Variants in TRPC6 observed in about 807,000 individuals in gnomAD.
TRPC6 encodes the protein short transient receptor potential channel 6.
Under a neutral mutation model 90.7 loss-of-function variants are expected in TRPC6, and 55 were observed. The observed-to-expected ratio is 0.61, with a 90% CI of 0.49 to 0.76. TRPC6 has a LOEUF of 0.76. Ranked by LOEUF, TRPC6 falls within the 30% of genes least tolerant of loss-of-function variation. The pLI is 0.00. For missense variants in TRPC6, 989 were observed against 1,122.7 expected, an observed-to-expected ratio of 0.88 and a Z score of 1.70; for synonymous variants, 393 against 393.0, an observed-to-expected ratio of 1.00 and a Z score of 0.00.
At chr11:101,519,611 A>C (rs898053134) in intron 1 of TRPC6, among the ~76,000 whole-genome samples, 13 of 152,028 alleles carry the variant, frequency 8.6e-5, no homozygotes, top group African/African-American at 2.4e-5. Context: ...CTAGTTACTC[A>C]GAAAAAAAAA....
chr11:101,578,234 C>G (rs182816716), intron 1 of TRPC6, among the ~76,000 whole-genome samples: 4 of 152,042 alleles, frequency 2.6e-5, no homozygotes, highest in African/African-American at 7.2e-5. Flanking sequence ...ACATAGTTGC[C>G]AAAAACAAGG....
rs188576496 is a variant in TRPC6 at position 101,546,135 on chromosome 11, A to T, written c.170+37199T>A. On this transcript the variant is annotated intron_variant, in intron 1 of 12. Transcript: ENST00000344327. ...GCCGGACTGCGGACTGCAGTGGCGC[A>T]ATCTCGGCTCACTGCAAGCTCCGCT... is the stretch of plus-strand genomic sequence containing the variant. Among the ~76,000 whole-genome samples the T allele has an allele frequency of 4.7e-4, 26 of 55,282 alleles. 1 individual carries two copies. In the East Asian group the frequency reaches 0.017, roughly 37 times the overall value. 36.3% of individuals were successfully genotyped at this position (55,282 alleles called of 152,430 possible).
chr11:101,476,419 A>C lies in TRPC6; in HGVS notation c.1626T>G (p.Ile542Met), dbSNP rs1859418752. 1.2e-6 allele frequency: 2 copies of C among 1,614,156 alleles called. No homozygotes were observed. Among genetic ancestry groups the C allele is most frequent in the Non-Finnish European group, 1.7e-6 (2 of 1,179,994 alleles). ...CATGCCAAAATGCCATGAATCTCGC[A>C]ATGAATGATGCTGCGAAAATTGCTA... ...GMLAIFAASF[I>M]ARFMAFWHAS... is the part of the protein sequence containing the mutation. Residue 542 changes from isoleucine to methionine, a missense_variant, in exon 6 of 13, where the codon ATT (isoleucine) becomes ATG (methionine). Ile to Met is a conservative substitution (Grantham distance 10). Around this residue, in one of 4 missense-constraint regions of TRPC6, gnomAD observed 486 missense variants for 591.9 expected, o/e 0.82. Transcript: ENST00000344327.
intron 1 of TRPC6, among the ~76,000 whole-genome samples, chr11:101,512,073 G>T (rs1860406917): frequency 6.6e-6 from 1 of 151,884 alleles, no homozygotes; most frequent in Non-Finnish European, 1.5e-5. Context: ...TTGTTTAGAG[G>T]GTGAGAGAGT....
rs116342282 is a variant in TRPC6, at chr11:101,502,837, A to G, written c.945+1187T>C. On this transcript the variant is annotated intron_variant, in intron 2 of 12. Coordinates refer to ENST00000344327, the MANE Select transcript of TRPC6 (RefSeq NM_004621.6). Reference sequence around the variant, plus strand: ...CTTTCTGGATAGACTGGACCTGAGGATAGATAGACACATGACATCTGATAC... The same window carrying G: ...CTTTCTGGATAGACTGGACCTGAGGGTAGATAGACACATGACATCTGATAC... Among the ~76,000 whole-genome samples, 1,146 of 152,290 alleles carry G rather than the reference A, an allele frequency of 7.5e-3. 5 individuals carry two copies. Among genetic ancestry groups the G allele is most frequent in the African/African-American group, 0.026 (1,070 of 41,558 alleles).
chr11:101,562,461 T>C (rs1444184956), intron 1 of TRPC6, among the ~76,000 whole-genome samples: 2 of 152,166 alleles, frequency 1.3e-5, no homozygotes, highest in Non-Finnish European at 2.9e-5. Context: ...TAAAATTCTT[T>C]CTCTGTTCTC....
chr11:101,488,910 A>G (rs202110262), intron 4 of TRPC6, 27 bp downstream of exon 4: 313 of 1,613,634 alleles, frequency 1.9e-4, no homozygotes, highest in Admixed American at 2.5e-4. Flanking sequence ...CTAGTAGATA[A>G]TAGAGGTCCA....
At chr11:101,455,253 A>G (rs1858857227) in intron 10 of TRPC6, 152 bp from the exon 11 acceptor site, 1 of 643,930 alleles carries the variant, frequency 1.6e-6, no homozygotes. Flanking sequence ...TCTGTCTTCC[A>G]AGACAAATCA....
At chr11:101,459,711 G>T (rs977112443) in intron 10 of TRPC6, among the ~76,000 whole-genome samples, 1 of 151,904 alleles carries the variant, frequency 6.6e-6, no homozygotes, top group Non-Finnish European at 1.5e-5. Flanking sequence ...TCTCTTATCT[G>T]TCCAGTGACT....
At chr11:101,502,770 G>C (rs1860160989) in intron 2 of TRPC6, among the ~76,000 whole-genome samples, 1 of 152,058 alleles carries the variant, frequency 6.6e-6, no homozygotes, top group African/African-American at 2.4e-5. Context: ...TGGGAGCCAA[G>C]CACATACTGA....
chr11:101,459,001 T>C (rs1196977177), intron 10 of TRPC6, among the ~76,000 whole-genome samples: 1 of 152,166 alleles, frequency 6.6e-6, no homozygotes, highest in Admixed American at 6.5e-5. Context: ...ACCATCTCAT[T>C]AGCAATGGGC....
At chr11:101,538,679 T>C (rs1861107079) in intron 1 of TRPC6, among the ~76,000 whole-genome samples, 2 of 152,168 alleles carry the variant, frequency 1.3e-5, no homozygotes, top group South Asian at 4.1e-4. Context: ...TTTCTCCAAC[T>C]GAAGGCAGGA....
intron 10 of TRPC6, among the ~76,000 whole-genome samples, chr11:101,457,037 A>G (rs927380752): frequency 1.3e-5 from 2 of 152,172 alleles, no homozygotes; most frequent in African/African-American, 4.8e-5. Flanking sequence ...TCCATGTACA[A>G]TTATTTAATG....
chr11:101,467,842 G>C (rs11224772), intron 10 of TRPC6, among the ~76,000 whole-genome samples: 1 of 152,080 alleles, frequency 6.6e-6, no homozygotes, highest in Non-Finnish European at 1.5e-5. Flanking sequence ...TGAGGGCTAT[G>C]GCTTGTTGAC....
At chr11:101,550,865 T>C (rs1241158153) in intron 1 of TRPC6, among the ~76,000 whole-genome samples, 6 of 151,836 alleles carry the variant, frequency 4.0e-5, no homozygotes, top group Non-Finnish European at 1.5e-5. Flanking sequence ...TAACTATACA[T>C]TCATTGAGCT....
At position 101,469,457 on chromosome 11, in the gene TRPC6, G is replaced by A; in HGVS notation, c.2454C>T (p.Asp818=). ...TTTTGTCAAGTGATAATTTTGAAAGGTCTTCATGACTTCCTAAAATTCCAA... is the reference window on the plus strand; with the variant it reads ...TTTTGTCAAGTGATAATTTTGAAAGATCTTCATGACTTCCTAAAATTCCAA... ...KKLGILGSHE[D]LSKLSLDKKQ... is the part of the protein sequence containing the mutation. The change falls in exon 10 of 13, where the codon GAC becomes GAT. Residue 818 remains aspartate (D), a synonymous_variant. Coordinates refer to ENST00000344327, the MANE Select transcript of TRPC6 (RefSeq NM_004621.6). 3 of 772,806 alleles carry A rather than the reference G, an allele frequency of 3.9e-6. No homozygotes were observed. In the South Asian group the frequency reaches 4.1e-5, roughly 11 times the overall value. 47.9% of individuals were successfully genotyped at this position (772,806 alleles called of 1,614,324 possible). A position where few individuals can be genotyped will look rare whatever the true frequency, so the allele number is the denominator to read the frequency against.
chr11:101,516,357 TAATAAC>T (rs1356410116), intron 1 of TRPC6, among the ~76,000 whole-genome samples: 4 of 152,126 alleles, frequency 2.6e-5, no homozygotes, highest in African/African-American at 9.7e-5. Context: ...ATTTTAAGAT[TAATAAC>T]AAAATTAACA....
intron 1 of TRPC6, among the ~76,000 whole-genome samples, chr11:101,506,228 T>C (rs1323238386): frequency 6.6e-6 from 1 of 152,038 alleles, no homozygotes; most frequent in African/African-American, 2.4e-5. Context: ...GGCCAGGTTA[T>C]AGGGGAGGCT....
chr11:101,501,277 G>A (rs1250018529), intron 2 of TRPC6, among the ~76,000 whole-genome samples: 78 of 133,788 alleles, frequency 5.8e-4, no homozygotes, highest in East Asian at 8.1e-4. Context: ...TAAAAAAAAA[G>A]ACTGAAAGGA....
Sources: allele counts gnomAD v4.1 joint callset (sites outside exome capture counted in the v4.1 genomes callset), GRCh38; gene constraint gnomAD v4.1.1; regional missense constraint gnomAD v4.1.1; transcripts MANE v1.5; gene names NCBI Gene and HGNC (gene_info 2026-07-23, HGNC 2026-07-21).